Variants in ZC3H11A observed in about 807,000 individuals in gnomAD.
ZC3H11A encodes zinc finger CCCH-type containing 11A.
In ZC3H11A, 22 loss-of-function variants were observed where a neutral mutation model predicts 90.8. That is an observed-to-expected ratio of 0.24 (90% CI 0.17 to 0.35). ZC3H11A has a LOEUF of 0.35. Ranked by LOEUF, ZC3H11A falls within the 10% of genes least tolerant of loss-of-function variation. ZC3H11A has a pLI of 1.00. For synonymous variants in ZC3H11A, 294 were observed against 339.8 expected (o/e 0.87, Z 1.48); for missense variants, 701 against 964.9 (o/e 0.73, Z 3.62).
intron 2 of ZC3H11A, chr1:203,805,498 G>T: frequency 2.3e-6 from 1 of 443,882 alleles, no homozygotes; most frequent in Non-Finnish European, 4.4e-6. Flanking sequence ...AAATAGAAGA[G>T]CAATGTAATT....
At chr1:203,805,369 G>T (rs1159884825) in intron 2 of ZC3H11A, among the ~76,000 whole-genome samples, 2 of 152,192 alleles carry the variant, frequency 1.3e-5, no homozygotes, top group East Asian at 3.9e-4. Context: ...CTGACCTTGT[G>T]ATCTGCCTGC....
intron 4 of ZC3H11A, among the ~76,000 whole-genome samples, chr1:203,823,588 G>A (rs1020037186): frequency 6.6e-6 from 1 of 152,176 alleles, no homozygotes; most frequent in African/African-American, 2.4e-5. Context: ...AAAAGCCAAG[G>A]TCCCAGATGC....
intron 1 of ZC3H11A, chr1:203,796,443 C>G (rs1668529399): frequency 5.0e-6 from 2 of 399,100 alleles, no homozygotes; most frequent in Non-Finnish European, 4.4e-6. Context: ...CTTCCGTTCT[C>G]CTTGTAGGAC....
intron 1 of ZC3H11A, chr1:203,797,408 A>T: frequency 9.7e-7 from 1 of 1,035,190 alleles, no homozygotes; most frequent in Non-Finnish European, 1.3e-6. Flanking sequence ...TGGGAATTTG[A>T]TTCCCCATAG....
intron 2 of ZC3H11A, among the ~76,000 whole-genome samples, chr1:203,813,992 G>A (rs553652511): frequency 6.6e-6 from 1 of 150,802 alleles, no homozygotes; most frequent in Non-Finnish European, 1.5e-5. Flanking sequence ...TTGCAATATG[G>A]ATAGAGTGAG....
At chr1:203,838,311 C>G (rs572104351) in intron 11 of ZC3H11A, among the ~76,000 whole-genome samples, 4 of 152,134 alleles carry the variant, frequency 2.6e-5, no homozygotes, top group East Asian at 1.9e-4. Context: ...CTTATAAATG[C>G]GATAAATTTT....
intron 4 of ZC3H11A, among the ~76,000 whole-genome samples, chr1:203,824,973 A>G (rs181823649): frequency 2.0e-5 from 3 of 147,134 alleles, no homozygotes; most frequent in Non-Finnish European, 4.5e-5. Context: ...GCTACTCGGG[A>G]GGCTGAGGCA....
intron 12 of ZC3H11A, among the ~76,000 whole-genome samples, chr1:203,846,111 T>C (rs6702787): frequency 0.12 from 15,528 of 128,638 alleles, 1,115 homozygotes; most frequent in Non-Finnish European, 0.15. Flanking sequence ...GACCTCGTCT[T>C]TACCAAAAAA....
intron 2 of ZC3H11A, among the ~76,000 whole-genome samples, chr1:203,812,242 A>G (rs1333890974): frequency 6.6e-6 from 1 of 152,136 alleles, no homozygotes; most frequent in Admixed American, 6.6e-5. Flanking sequence ...CCTAGTATCT[A>G]TTAGTTGTTT....
At chr1:203,833,482 GA>G (rs952590357) in intron 9 of ZC3H11A, among the ~76,000 whole-genome samples, 1 of 151,794 alleles carries the variant, frequency 6.6e-6, no homozygotes, top group Admixed American at 6.6e-5. Context: ...AATGAGCCAA[GA>G]TGGCACCACT....
intron 2 of ZC3H11A, among the ~76,000 whole-genome samples, chr1:203,812,514 C>G (rs1354753867): frequency 6.7e-6 from 1 of 149,508 alleles, no homozygotes; most frequent in African/African-American, 2.5e-5. Context: ...AGACTTCTGT[C>G]TTGTTGCTTC....
At chr1:203,827,532 A>G (rs1322576295) in intron 4 of ZC3H11A, among the ~76,000 whole-genome samples, 2 of 152,042 alleles carry the variant, frequency 1.3e-5, no homozygotes, top group Non-Finnish European at 2.9e-5. Context: ...TACAAAAAAA[A>G]TTAGCCGAGT....
At chr1:203,835,617 TGTCCAATAGCATTAGCAGGAAGATTG>T (rs1276547131) in intron 10 of ZC3H11A, 1 of 191,538 alleles carries the variant, frequency 5.2e-6, no homozygotes, top group Non-Finnish European at 1.2e-5. Context: ...TCAGATTCTG[TGTCCAATAGCATTAGCAGGAAGATTG>T]CTTTGGAATT....
intron 4 of ZC3H11A, among the ~76,000 whole-genome samples, chr1:203,819,166 ATATG>A (rs1197835727): frequency 1.3e-5 from 2 of 148,924 alleles, no homozygotes; most frequent in Non-Finnish European, 3.0e-5. Context: ...ACACGTGTAT[ATATG>A]TGTGTGTATA....
At chr1:203,836,196 AACAT>A (rs1430321788) in intron 10 of ZC3H11A, among the ~76,000 whole-genome samples, 1 of 152,210 alleles carries the variant, frequency 6.6e-6, no homozygotes, top group Non-Finnish European at 1.5e-5. Flanking sequence ...CAGTCTGGGC[AACAT>A]AGCAAGACCC....
At chr1:203,811,270 T>G (rs1242951749) in intron 2 of ZC3H11A, among the ~76,000 whole-genome samples, 2 of 152,122 alleles carry the variant, frequency 1.3e-5, no homozygotes, top group African/African-American at 4.8e-5. Context: ...GTCGTGCCAT[T>G]GCACTTCAGC....
In ZC3H11A at chr1:203,801,965, A is replaced by G. The variant is rs887033573; in HGVS notation, c.-1197A>G. On this transcript the variant is annotated 5_prime_UTR_variant, in exon 2 of 18. Transcript: ENST00000367210. ...CATTAGTAGTAAAGAATTTGGACCT[A>G]GGCTGCGTAAGCAAGCCTTTCCAGG... The G allele has an allele frequency of 2.6e-5, 4 of 152,652 alleles. No homozygotes were observed. The highest frequency in any genetic ancestry group is 5.9e-5 in the Non-Finnish European group (4 of 68,024). The allele number at this position is 152,652 out of a possible 1,614,324, so 9.5% of individuals were successfully genotyped here.
At chr1:203,831,972 A>G (rs373077043) in intron 9 of ZC3H11A, among the ~76,000 whole-genome samples, 4 of 152,312 alleles carry the variant, frequency 2.6e-5, no homozygotes, top group African/African-American at 9.6e-5. Flanking sequence ...GCCCTCACAT[A>G]TATTTTTCCA....
chr1:203,831,656 T>C lies in ZC3H11A; in HGVS notation c.701-5T>C. ...ATTTGCTGTTCTTTGACTTGCCTTA[T>C]TCAGAGGGTTCTTCAGGAGTTTCCA... On this transcript the variant is annotated splice_polypyrimidine_tract_variant and splice_region_variant and intron_variant, in intron 8 of 17. Coordinates refer to ENST00000367210, the MANE Select transcript of ZC3H11A (RefSeq NM_001376342.1). The C allele has an allele frequency of 6.2e-7, 1 of 1,609,894 alleles. No individual in the cohort carries two copies. The highest frequency in any genetic ancestry group is 8.5e-7 in the Non-Finnish European group (1 of 1,177,836).
Sources: gnomAD v4.1 joint callset for allele counts (sites outside exome capture counted in the v4.1 genomes callset) on GRCh38, gnomAD v4.1.1 for gene constraint, MANE v1.5 for transcripts, NCBI Gene and HGNC (gene_info 2026-07-23, HGNC 2026-07-21) for gene names.